The following PCDH7 variants were observed in gnomAD, a reference collection of about 807,000 sequenced individuals.
The protein encoded by PCDH7 is protocadherin-7.
In PCDH7, 17 loss-of-function variants were observed where a neutral mutation model predicts 58.9. The ratio of observed to expected loss-of-function variants is 0.29; its 90% confidence interval spans 0.20 to 0.43. The LOEUF is 0.43. Among genes scored for constraint, PCDH7 ranks in the 20% least tolerant of loss-of-function variants. The pLI is 1.00. For synonymous variants in PCDH7, 664 were observed against 616.4 expected, an observed-to-expected ratio of 1.08 and a Z score of -1.14; for missense variants, 1,274 against 1,441.0, an observed-to-expected ratio of 0.88 and a Z score of 1.88.
At chr4:30,995,691 C>T (rs1467724980) in intron 3 of PCDH7, among the ~76,000 whole-genome samples, 3 of 152,116 alleles carry the variant, frequency 2.0e-5, no homozygotes, top group Admixed American at 6.5e-5. Context: ...GGCTGCGTTC[C>T]TTCTGGAGAC....
intron 2 of PCDH7, among the ~76,000 whole-genome samples, chr4:30,924,417 A>C (rs987551659): frequency 2.6e-5 from 4 of 152,234 alleles, no homozygotes; most frequent in African/African-American, 9.6e-5. Context: ...TATGCTATAG[A>C]ATGGAGACAT....
chr4:31,019,449 A>C (rs2109166255), intron 3 of PCDH7, among the ~76,000 whole-genome samples: 1 of 152,212 alleles, frequency 6.6e-6, no homozygotes. Flanking sequence ...CGTGCCTATA[A>C]TCTCAGCACT....
At chr4:31,031,406 T>G (rs756149228) in intron 3 of PCDH7, among the ~76,000 whole-genome samples, 1 of 152,136 alleles carries the variant, frequency 6.6e-6, no homozygotes, top group African/African-American at 2.4e-5. Flanking sequence ...AAAGAATCAT[T>G]TCAAGTAGAA....
At chr4:31,027,072 C>G (rs138853652) in intron 3 of PCDH7, among the ~76,000 whole-genome samples, 4,218 of 152,248 alleles carry the variant, frequency 0.028, 103 homozygotes, top group Non-Finnish European at 0.044. Context: ...CACAAACTTT[C>G]GTTCATGATT....
At chr4:30,988,438 G>T (rs548963974) in intron 3 of PCDH7, among the ~76,000 whole-genome samples, 1 of 152,248 alleles carries the variant, frequency 6.6e-6, no homozygotes, top group Admixed American at 6.5e-5. Flanking sequence ...AGAATTCTCA[G>T]TTTATGAGAA....
intron 3 of PCDH7, among the ~76,000 whole-genome samples, chr4:31,010,928 G>A (rs73214970): frequency 0.05 from 7,639 of 152,008 alleles, 257 homozygotes; most frequent in Non-Finnish European, 0.071. Flanking sequence ...ACACATTATA[G>A]GTACTGGATA....
chr4:31,005,825 G>A (rs551671794), intron 3 of PCDH7, among the ~76,000 whole-genome samples: 40 of 152,102 alleles, frequency 2.6e-4, no homozygotes, highest in Non-Finnish European at 4.4e-4. Flanking sequence ...ATTCAGTTCC[G>A]TTTTATAGCC....
chr4:31,070,692 G>A (rs1166192075), intron 3 of PCDH7, among the ~76,000 whole-genome samples: 1 of 151,946 alleles, frequency 6.6e-6, no homozygotes, highest in Admixed American at 6.6e-5. Flanking sequence ...CCCAAATATA[G>A]AATTGTTTTA....
In PCDH7 at chr4:31,007,422, C is replaced by T. The variant is rs78754738; in HGVS notation, c.*7+57207C>T. ...TATTTTCCTCCTGTGAATTTGGTGT[C>T]AAAGTACCTTGTCAATTGTTCGCAT... is the stretch of plus-strand genomic sequence containing the variant. On this transcript the variant is annotated intron_variant, in intron 3 of 3. Transcript: ENST00000509759. 6.4e-4 allele frequency among the ~76,000 whole-genome samples: 98 copies of T among 152,234 alleles called. 2 individuals are homozygous for T. The highest frequency in any genetic ancestry group is 2.0e-3 in the Admixed American group (30 of 15,288).
intron 1 of PCDH7, among the ~76,000 whole-genome samples, chr4:30,835,447 G>A (rs1398684198): frequency 6.6e-6 from 1 of 152,118 alleles, no homozygotes; most frequent in Non-Finnish European, 1.5e-5. Context: ...ATGATCTGAG[G>A]TAAAAGAGCT....
chr4:30,998,402 T>C (rs1287421110), intron 3 of PCDH7, among the ~76,000 whole-genome samples: 1 of 152,198 alleles, frequency 6.6e-6, no homozygotes, highest in Non-Finnish European at 1.5e-5. Flanking sequence ...GGGTAGTGAC[T>C]GAAATACCCA....
At chr4:31,044,594 T>C (rs1756138122) in intron 3 of PCDH7, among the ~76,000 whole-genome samples, 1 of 152,018 alleles carries the variant, frequency 6.6e-6, no homozygotes, top group Non-Finnish European at 1.5e-5. Flanking sequence ...TAAAATATAA[T>C]AATGATTTAA....
chr4:31,142,825 C>G lies in PCDH7; in HGVS notation c.*360C>G, dbSNP rs559745250. 17 of 1,365,460 alleles carry G rather than the reference C, an allele frequency of 1.2e-5. No homozygotes were observed. The East Asian group carries it at 7.3e-4, about 59-fold the overall frequency. The allele number at this position is 1,365,460 out of a possible 1,614,324, so 84.6% of individuals were successfully genotyped here. A position where few individuals can be genotyped will look rare whatever the true frequency, so the allele number is the denominator to read the frequency against. ...ATAAGCCATCTCCTGTCAATACTCT[C>G]ACTAGAAGAGAAGTTTACCTGTAGG... On this transcript the variant is annotated 3_prime_UTR_variant, in exon 4 of 4. Transcript: ENST00000509759.
At chr4:31,031,408 C>T (rs1297004457) in intron 3 of PCDH7, among the ~76,000 whole-genome samples, 1 of 152,010 alleles carries the variant, frequency 6.6e-6, no homozygotes, top group Non-Finnish European at 1.5e-5. Flanking sequence ...AGAATCATTT[C>T]AAGTAGAAGG....
At chr4:30,818,026 T>G (rs569116454) in intron 1 of PCDH7, among the ~76,000 whole-genome samples, 1 of 152,152 alleles carries the variant, frequency 6.6e-6, no homozygotes, top group Non-Finnish European at 1.5e-5. Flanking sequence ...GCCTCCTCCT[T>G]GTTCTTGCAA....
chr4:30,829,986 C>A (rs571909280), intron 1 of PCDH7, among the ~76,000 whole-genome samples: 13 of 152,174 alleles, frequency 8.5e-5, no homozygotes, highest in Admixed American at 6.5e-4. Context: ...TAATCAGAAT[C>A]TGCTCTGGTT....
chr4:30,754,484 G>T (rs977788195), intron 1 of PCDH7, among the ~76,000 whole-genome samples: 1 of 152,042 alleles, frequency 6.6e-6, no homozygotes, highest in Non-Finnish European at 1.5e-5. Flanking sequence ...TGAATTAAAG[G>T]TCCTAAATTG....
intron 3 of PCDH7, among the ~76,000 whole-genome samples, chr4:30,996,558 G>T (rs1206309705): frequency 6.6e-6 from 1 of 152,100 alleles, no homozygotes; most frequent in African/African-American, 2.4e-5. Context: ...GACCTTTCGA[G>T]ATCATCTTGG....
At chr4:31,010,870 A>G (rs907181979) in intron 3 of PCDH7, among the ~76,000 whole-genome samples, 1 of 152,042 alleles carries the variant, frequency 6.6e-6, no homozygotes, top group African/African-American at 2.4e-5. Flanking sequence ...TTTAAAAAAT[A>G]AAAAGATGAG....
Sources: allele counts gnomAD v4.1 joint callset (sites outside exome capture counted in the v4.1 genomes callset), GRCh38; gene constraint gnomAD v4.1.1; transcripts MANE v1.5; gene names NCBI Gene and HGNC (gene_info 2026-07-23, HGNC 2026-07-21).